Variants in KNDC1 observed in about 807,000 individuals in gnomAD.
KNDC1 encodes kinase non-catalytic C-lobe domain containing 1, also known as kinase non-catalytic C-lobe domain-containing protein 1.
KNDC1 carries 106 observed loss-of-function variants against 172.8 expected under a neutral mutation model. The observed-to-expected ratio is 0.61, with a 90% confidence interval of 0.52 to 0.72. The LOEUF is 0.72. KNDC1 is among the 30% of genes least tolerant of loss of function. The pLI is 0.00. For missense variants in KNDC1, 2,325 were observed against 2,394.5 expected, an observed-to-expected ratio of 0.97 and a Z score of 0.61; for synonymous variants, 1,083 against 1,062.2, an observed-to-expected ratio of 1.02 and a Z score of -0.38.
chr10:133,181,665 C>T (rs532557910), intron 3 of KNDC1, among the ~76,000 whole-genome samples: 44 of 152,286 alleles, frequency 2.9e-4, no homozygotes, highest in African/African-American at 9.6e-4. Flanking sequence ...AGAAGGTCAG[C>T]CGGGGTTCCT....
At chr10:133,216,315 T>TTA (rs1425430324) in intron 26 of KNDC1, among the ~76,000 whole-genome samples, 1 of 151,628 alleles carries the variant, frequency 6.6e-6, no homozygotes, top group African/African-American at 2.4e-5. Context: ...GTGGCACCGT[T>TTA]TAGACGACGT....
At chr10:133,184,018 C>A (rs781345189) in intron 5 of KNDC1, 29 bp downstream of exon 5, 2 of 1,309,648 alleles carry the variant, frequency 1.5e-6, no homozygotes, top group Non-Finnish European at 2.1e-6. Flanking sequence ...ACACGTGCAT[C>A]CTCATGCACA....
At chr10:133,221,848 GCCA>G (rs1458301273) in intron 29 of KNDC1, among the ~76,000 whole-genome samples, 159 of 88,908 alleles carry the variant, frequency 1.8e-3, no homozygotes, top group East Asian at 0.011. Context: ...GCTGGGTGCA[GCCA>G]CTCACGCCTG....
intron 29 of KNDC1, among the ~76,000 whole-genome samples, chr10:133,223,898 C>T (rs1228861779): frequency 1.1e-4 from 10 of 89,704 alleles, no homozygotes; most frequent in African/African-American, 2.9e-4. Context: ...CTCTTCCCGG[C>T]GTGTGTGTGA....
intron 29 of KNDC1, 26 bp downstream of exon 29, chr10:133,220,138 C>A (rs749830653): frequency 3.5e-5 from 52 of 1,504,766 alleles, no homozygotes; most frequent in Non-Finnish European, 4.7e-5. Flanking sequence ...GGCGGCCGCG[C>A]GCCCAGGAGA....
In KNDC1 at chr10:133,183,525, G is replaced by T. The variant is rs760907458; in HGVS notation, c.507+35G>T. The T allele has an allele frequency of 8.3e-6, 13 of 1,570,774 alleles. No homozygotes were observed. In the South Asian group the frequency reaches 1.5e-4, roughly 18 times the overall value. On this transcript the variant is annotated intron_variant, in intron 4 of 29. Coordinates refer to ENST00000304613, the MANE Select transcript of KNDC1 (RefSeq NM_152643.8). ...GCTGCCCTGGGCCACCCCAGGCTGTGACCCTGACCCCACAGGCCTGGACAC... is the reference window on the plus strand; with the variant it reads ...GCTGCCCTGGGCCACCCCAGGCTGTTACCCTGACCCCACAGGCCTGGACAC...
Position 133,209,345 on chromosome 10 carries a change from G to A in KNDC1, c.3795-1266G>A, listed in dbSNP as rs1371196482. ...GTGCACGTGTGTGCTGTGCGGTGTGGGGTATAGTGTGTGCACATGTGGTGT... is the reference window on the plus strand; with the variant it reads ...GTGCACGTGTGTGCTGTGCGGTGTGAGGTATAGTGTGTGCACATGTGGTGT... On this transcript the variant is annotated intron_variant, in intron 20 of 29. Coordinates refer to ENST00000304613, the MANE Select transcript of KNDC1 (RefSeq NM_152643.8). This position sits in a 1 kb window ranked among gnomAD's most constrained non-coding sequence, Gnocchi z 4.9. 9.2e-5 allele frequency among the ~76,000 whole-genome samples: 14 copies of A among 151,384 alleles called. No individual in the cohort carries two copies. Among genetic ancestry groups the A allele is most frequent in the Admixed American group, 9.2e-4 (14 of 15,186 alleles).
At position 133,209,130 on chromosome 10, in the gene KNDC1, C is replaced by T. The variant is rs530417160; in HGVS notation, c.3795-1481C>T. Among the ~76,000 whole-genome samples the T allele has an allele frequency of 2.2e-3, 323 of 148,298 alleles. No individual in the cohort carries two copies. The highest frequency in any genetic ancestry group is 3.3e-3 in the Non-Finnish European group (224 of 67,140). On this transcript the variant is annotated intron_variant, in intron 20 of 29. Transcript: ENST00000304613. This position sits in a 1 kb window ranked among gnomAD's most constrained non-coding sequence, Gnocchi z 4.9. Reference sequence around the variant, plus strand: ...GTGTGTGATGTGGAGTATTGTGTGGCGTGTGTGGTGTGTGGTTGGGTATTG... The same window carrying T: ...GTGTGTGATGTGGAGTATTGTGTGGTGTGTGTGGTGTGTGGTTGGGTATTG...
In KNDC1 at chr10:133,212,875, G is replaced by T; in HGVS notation, c.4396G>T (p.Glu1466Ter). The T allele has an allele frequency of 6.2e-7, 1 of 1,613,898 alleles. No homozygotes were observed. The highest frequency in any genetic ancestry group is 1.3e-5 in the African/African-American group (1 of 75,064). The change falls in exon 24 of 30, where the codon GAG (glutamate) becomes TAG (stop). Residue 1466 changes from glutamate to a stop codon, truncating the protein, a stop_gained. Coordinates refer to ENST00000304613, the MANE Select transcript of KNDC1 (RefSeq NM_152643.8). LOFTEE classifies it high-confidence loss of function. ...TSEKGPYFLT[E>*]YSTHQLFSQL... is the part of the protein sequence containing the mutation. ...TGAGAAGGGGCCCTACTTCCTGACG[G>T]AGTACAGCACTCACCAGCTCTTCAG...
At chr10:133,184,623 C>T (rs1213631958) in intron 5 of KNDC1, among the ~76,000 whole-genome samples, 1 of 152,278 alleles carries the variant, frequency 6.6e-6, no homozygotes, top group Non-Finnish European at 1.5e-5. Context: ...ACCACGTCCA[C>T]TGCCTCACAC....
chr10:133,178,476 G>A lies in KNDC1; in HGVS notation c.361-4868G>A, dbSNP rs555771350. On this transcript the variant is annotated intron_variant, in intron 3 of 29. Transcript: ENST00000304613. ...TTTCCACCCAGCCTCGGATTTACCC[G>A]AAAAGATCAGGCCCCTCTTAACACG... Among the ~76,000 whole-genome samples the A allele has an allele frequency of 4.6e-5, 7 of 152,262 alleles. No homozygotes were observed. In the South Asian group the frequency reaches 1.0e-3, roughly 23 times the overall value.
chr10:133,221,117 A>C (rs1564902848), intron 29 of KNDC1, among the ~76,000 whole-genome samples: 1 of 151,522 alleles, frequency 6.6e-6, no homozygotes, highest in Non-Finnish European at 1.5e-5. Flanking sequence ...TTTCCACCCC[A>C]CCCTGAGGGT....
intron 1 of KNDC1, chr10:133,164,215 G>A (rs1157762220): frequency 6.6e-6 from 1 of 152,448 alleles, no homozygotes; most frequent in Non-Finnish European, 1.5e-5. Context: ...CCTGCTCTCA[G>A]ACCTACCCCA....
rs61502645 is a variant in KNDC1 at position 133,210,345 on chromosome 10, G to A, written c.3795-266G>A. 1.4e-4 allele frequency among the ~76,000 whole-genome samples: 18 copies of A among 127,122 alleles called. No homozygotes were observed. In the East Asian group the frequency reaches 3.6e-3, roughly 25 times the overall value. The allele number at this position is 127,122 out of a possible 152,430, so 83.4% of individuals were successfully genotyped here. ...CACACCATTGCACTCCAGCCTGGGC[G>A]ACAAGAGCGAAACTCTGCCAAAAAA... On this transcript the variant is annotated intron_variant, in intron 20 of 29. Transcript: ENST00000304613.
Position 133,164,224 on chromosome 10 carries a change from C to T in KNDC1, c.103-3157C>T, listed in dbSNP as rs994384911. On this transcript the variant is annotated intron_variant, in intron 1 of 29. Transcript: ENST00000304613. ...GTGGTCCCTGCTCTCAGACCTACCC[C>T]ATGGCTCACCCAGGCACGCCCTGCT... 2 of 152,592 alleles carry T rather than the reference C, an allele frequency of 1.3e-5. 1 individual carries two copies. Among genetic ancestry groups the T allele is most frequent in the South Asian group, 4.1e-4 (2 of 4,832 alleles). The allele number at this position is 152,592 out of a possible 1,614,324, so 9.5% of individuals were successfully genotyped here.
intron 26 of KNDC1, among the ~76,000 whole-genome samples, chr10:133,216,277 T>C (rs898035481): frequency 9.9e-5 from 15 of 150,762 alleles, no homozygotes; most frequent in Admixed American, 2.6e-4. Flanking sequence ...AAATGGGGGG[T>C]CGGTGGTTCC....
At position 133,207,215 on chromosome 10, in the gene KNDC1, A is replaced by T. The variant is rs779975751; in HGVS notation, c.3658A>T (p.Thr1220Ser). The T allele has an allele frequency of 3.2e-5, 52 of 1,612,544 alleles. No individual in the cohort carries two copies. The highest frequency in any genetic ancestry group is 4.3e-5 in the Non-Finnish European group (51 of 1,179,896). ...IVNIAAAPCD[T>S]LDFSPLDESS... ...GAACATCGCGGCCGCACCCTGCGAC[A>T]CGCTGGACTTCAGCCCCCTGGACGA... The change falls in exon 20 of 30, where the codon ACG becomes TCG. Residue 1220 changes from threonine to serine, a missense_variant. Coordinates refer to ENST00000304613, the MANE Select transcript of KNDC1 (RefSeq NM_152643.8).
chr10:133,207,949 T>A (rs977078215), intron 20 of KNDC1, among the ~76,000 whole-genome samples: 7 of 152,016 alleles, frequency 4.6e-5, no homozygotes, highest in Non-Finnish European at 1.0e-4. Flanking sequence ...CATGGGCCCC[T>A]GGGCTGCACC....
At chr10:133,170,330 A>C (rs1564874560) in intron 3 of KNDC1, among the ~76,000 whole-genome samples, 1 of 152,118 alleles carries the variant, frequency 6.6e-6, no homozygotes, top group African/African-American at 2.4e-5. Context: ...TGGCTCCTGC[A>C]GGACGTGGAC....
Sources: gnomAD v4.1 joint callset for allele counts (sites outside exome capture counted in the v4.1 genomes callset) on GRCh38, gnomAD v4.1.1 for gene constraint, Gnocchi (gnomAD v3.1) non-coding constraint, MANE v1.5 for transcripts, NCBI Gene and HGNC (gene_info 2026-07-23, HGNC 2026-07-21) for gene names.